Variants in ZBTB20 observed in about 807,000 individuals in gnomAD.
The protein encoded by ZBTB20 is zinc finger and BTB domain-containing protein 20.
In ZBTB20, 9 loss-of-function variants were observed where a neutral mutation model predicts 56.9. The observed-to-expected ratio is 0.16, with a 90% CI of 0.10 to 0.28. The LOEUF is 0.28. Ranked by LOEUF, ZBTB20 falls within the 10% of genes least tolerant of loss-of-function variation. The pLI, the probability that ZBTB20 is intolerant of heterozygous loss-of-function variation, is 1.00. For missense variants in ZBTB20, 655 were observed against 1,003.0 expected (o/e 0.65, Z 4.69); for synonymous variants, 417 against 420.7 (o/e 0.99, Z 0.11).
At chr3:115,050,519 ATGTT>A (rs1229869431) in intron 2 of ZBTB20, among the ~76,000 whole-genome samples, 1 of 151,988 alleles carries the variant, frequency 6.6e-6, no homozygotes, top group Non-Finnish European at 1.5e-5. Context: ...AAACACCTTT[ATGTT>A]TGTTTATATA....
chr3:114,967,757 G>A (rs1385244223), intron 3 of ZBTB20, among the ~76,000 whole-genome samples: 1 of 152,058 alleles, frequency 6.6e-6, no homozygotes, highest in Non-Finnish European at 1.5e-5. Context: ...AGGAGTTCAA[G>A]ACCAGCCTGG....
chr3:115,145,344 C>T (rs1454194407), intron 1 of ZBTB20, among the ~76,000 whole-genome samples: 1 of 152,126 alleles, frequency 6.6e-6, no homozygotes, highest in African/African-American at 2.4e-5. Context: ...TTACAGTTGA[C>T]CCTCAGTATC....
At chr3:114,998,152 C>G (rs1242982092) in intron 2 of ZBTB20, among the ~76,000 whole-genome samples, 1 of 151,516 alleles carries the variant, frequency 6.6e-6, no homozygotes, top group East Asian at 1.9e-4. Context: ...TACCCGTTAC[C>G]CAGCTTTCCA....
chr3:114,336,153 C>A lies in ZBTB20; in HGVS notation c.*2852G>T, dbSNP rs904595562. 1.2e-3 allele frequency: 183 copies of A among 152,258 alleles called. 1 individual carries two copies. Among genetic ancestry groups the A allele is most frequent in the African/African-American group, 4.3e-3 (177 of 41,564 alleles). 9.4% of individuals were successfully genotyped at this position (152,258 alleles called of 1,614,324 possible). ...TTTAAAGTGGCTTTTGGCCTTCTTT[C>A]ATTTGTAACATGTATTGAGTGATTT... On this transcript the variant is annotated 3_prime_UTR_variant, in exon 12 of 12. Transcript: ENST00000675478.
intron 6 of ZBTB20, among the ~76,000 whole-genome samples, chr3:114,641,442 G>GATAATTTTTCTTATATAGATATAAGA (rs1228040259): frequency 1.3e-4 from 20 of 151,514 alleles, no homozygotes; most frequent in East Asian, 5.8e-4. Context: ...CACTTATATA[G>GATAATTTTTCTTATATAGATATAAGA]ATAATTTTTC....
chr3:114,901,863 A>G (rs1476965415), intron 3 of ZBTB20, among the ~76,000 whole-genome samples: 1 of 152,156 alleles, frequency 6.6e-6, no homozygotes, highest in Non-Finnish European at 1.5e-5. Context: ...GAGTGATTAT[A>G]TCTGGATAAT....
intron 5 of ZBTB20, among the ~76,000 whole-genome samples, chr3:114,764,739 C>T (rs537090417): frequency 6.6e-6 from 1 of 152,214 alleles, no homozygotes; most frequent in African/African-American, 2.4e-5. Context: ...CTTTAGTTTT[C>T]TGTAAGGAGA....
At chr3:114,540,875 T>C (rs1432482031) in intron 6 of ZBTB20, among the ~76,000 whole-genome samples, 1 of 152,088 alleles carries the variant, frequency 6.6e-6, no homozygotes, top group African/African-American at 2.4e-5. Flanking sequence ...CAATTCCTTT[T>C]ATCCTTGTAT....
intron 3 of ZBTB20, among the ~76,000 whole-genome samples, chr3:114,919,369 T>A (rs1204040377): frequency 6.6e-6 from 1 of 151,834 alleles, no homozygotes; most frequent in Non-Finnish European, 1.5e-5. Flanking sequence ...AAAAATTGAA[T>A]AAAATACAAA....
intron 2 of ZBTB20, among the ~76,000 whole-genome samples, chr3:114,978,549 T>C (rs2078200185): frequency 6.6e-6 from 1 of 151,508 alleles, no homozygotes; most frequent in South Asian, 2.1e-4. Context: ...GGTTATAAAA[T>C]GGTAATAATG....
Position 114,666,769 on chromosome 3 carries a change from C to G in ZBTB20, c.-295+26759G>C, listed in dbSNP as rs540860413. 2.0e-5 allele frequency among the ~76,000 whole-genome samples: 3 copies of G among 152,074 alleles called. No individual in the cohort carries two copies. The East Asian group carries it at 5.8e-4, about 29-fold the overall frequency. On this transcript the variant is annotated intron_variant, in intron 6 of 11. Transcript: ENST00000675478. ...ACTAGAATGTGTGATAAACTGTTCA[C>G]TTTCTGTTTTAAAACTGTCCATGAG...
intron 6 of ZBTB20, among the ~76,000 whole-genome samples, chr3:114,670,433 T>C (rs2061301311): frequency 6.6e-6 from 1 of 152,062 alleles, no homozygotes; most frequent in Non-Finnish European, 1.5e-5. Flanking sequence ...CTTTTCTCCA[T>C]TTAAATTTCT....
intron 5 of ZBTB20, among the ~76,000 whole-genome samples, chr3:114,696,997 T>A (rs2063068434): frequency 6.6e-6 from 1 of 150,954 alleles, no homozygotes; most frequent in African/African-American, 2.4e-5. Context: ...GAATTAACTG[T>A]CTCTGTTGTA....
At chr3:115,031,281 A>C (rs2108346762) in intron 2 of ZBTB20, among the ~76,000 whole-genome samples, 1 of 151,586 alleles carries the variant, frequency 6.6e-6, no homozygotes, top group East Asian at 1.9e-4. Flanking sequence ...AGGATATTTA[A>C]GTGAGCTCAT....
chr3:114,675,801 T>A (rs2061593837), intron 6 of ZBTB20, among the ~76,000 whole-genome samples: 1 of 152,158 alleles, frequency 6.6e-6, no homozygotes. Context: ...CAATTCTAGA[T>A]GCTAACTCAA....
At chr3:114,484,662 A>C (rs529499732) in intron 7 of ZBTB20, among the ~76,000 whole-genome samples, 62 of 152,370 alleles carry the variant, frequency 4.1e-4, no homozygotes, top group Non-Finnish European at 7.2e-4. Flanking sequence ...AAGCTAAAAC[A>C]TATTAAATGT....
chr3:114,911,660 A>G (rs1234378714), intron 3 of ZBTB20, among the ~76,000 whole-genome samples: 2 of 151,996 alleles, frequency 1.3e-5, no homozygotes, highest in African/African-American at 4.8e-5. Context: ...AGCAGACTCA[A>G]TCATACAGAA....
At chr3:114,601,403 G>A (rs1029314381) in intron 6 of ZBTB20, among the ~76,000 whole-genome samples, 1 of 152,044 alleles carries the variant, frequency 6.6e-6, no homozygotes, top group Non-Finnish European at 1.5e-5. Context: ...GTAAGCAGAC[G>A]ATAGAATCTA....
chr3:114,779,029 T>C (rs1362057632), intron 5 of ZBTB20, among the ~76,000 whole-genome samples: 3 of 152,172 alleles, frequency 2.0e-5, no homozygotes, highest in Non-Finnish European at 4.4e-5. Flanking sequence ...GGAATCTCAA[T>C]GTGTTGTCTT....
Sources: allele counts gnomAD v4.1 joint callset (sites outside exome capture counted in the v4.1 genomes callset), GRCh38; gene constraint gnomAD v4.1.1; transcripts MANE v1.5; gene names NCBI Gene and HGNC (gene_info 2026-07-23, HGNC 2026-07-21).